Variants in RHOJ observed in about 807,000 individuals in gnomAD.
RHOJ encodes ras homolog family member J.
Under a neutral mutation model 23.4 loss-of-function variants are expected in RHOJ, and 11 were observed. The ratio of observed to expected loss-of-function variants is 0.47; its 90% CI spans 0.30 to 0.78. RHOJ has a LOEUF of 0.78. RHOJ is among the 30% of genes least tolerant of loss of function. The pLI is 0.08. For synonymous variants in RHOJ, 102 were observed against 102.7 expected, an observed-to-expected ratio of 0.99 and a Z score of 0.04; for missense variants, 254 against 273.4, an observed-to-expected ratio of 0.93 and a Z score of 0.50.
At chr14:63,261,796 A>C (rs1012985000) in intron 1 of RHOJ, among the ~76,000 whole-genome samples, 2 of 152,198 alleles carry the variant, frequency 1.3e-5, no homozygotes, top group African/African-American at 4.8e-5. Flanking sequence ...CTCTTTGAAC[A>C]AGATTTACCA....
chr14:63,205,195 G>A lies in RHOJ; in HGVS notation c.178+148G>A, dbSNP rs376039919. The A allele has an allele frequency of 3.5e-4, 266 of 768,246 alleles. 5 individuals are homozygous for A. Among genetic ancestry groups the A allele is most frequent in the East Asian group, 2.6e-3 (97 of 36,990 alleles). The allele number at this position is 768,246 out of a possible 1,614,324, so 47.6% of individuals were successfully genotyped here. On this transcript the variant is annotated intron_variant, in intron 1 of 4. Coordinates refer to ENST00000316754, the MANE Select transcript of RHOJ (RefSeq NM_020663.5). ...GAGCTTAGCGTAGCATACAACCCAG[G>A]ACTTGACTGTTGGTAGAACAATTTG...
At position 63,293,383 on chromosome 14, in the gene RHOJ, T is replaced by C. The variant is rs1882312001; in HGVS notation, c.*2359T>C. 6.6e-6 allele frequency among the ~76,000 whole-genome samples: 1 copy of C among 152,118 alleles called. No individual in the cohort carries two copies. The highest frequency in any genetic ancestry group is 1.5e-5 in the Non-Finnish European group (1 of 68,020). The stretch of plus-strand genomic sequence containing the variant: ...TAATGGGCCACAGGAAGTAAGTTGA[T>C]CTTGATGGGGAGATCACGTCACCCA... On this transcript the variant is annotated 3_prime_UTR_variant, in exon 5 of 5. Coordinates refer to ENST00000316754, the MANE Select transcript of RHOJ (RefSeq NM_020663.5).
chr14:63,283,281 A>G, intron 4 of RHOJ, 65 bp downstream of exon 4: 1 of 1,337,614 alleles, frequency 7.5e-7, no homozygotes, highest in Admixed American at 1.7e-5. Context: ...TATGCTTTGG[A>G]AATGGGTGTG....
chr14:63,240,110 G>T (rs753236501), intron 1 of RHOJ, among the ~76,000 whole-genome samples: 1 of 152,130 alleles, frequency 6.6e-6, no homozygotes, highest in Non-Finnish European at 1.5e-5. Context: ...TGAAAATAGG[G>T]CCTTTGAGAA....
At chr14:63,285,627 A>ATATTCAT (rs1191431017) in intron 4 of RHOJ, among the ~76,000 whole-genome samples, 1 of 152,150 alleles carries the variant, frequency 6.6e-6, no homozygotes, top group East Asian at 1.9e-4. Flanking sequence ...TTTATTATAA[A>ATATTCAT]TATTCATTAT....
intron 2 of RHOJ, among the ~76,000 whole-genome samples, chr14:63,276,320 G>A (rs1197310068): frequency 1.4e-4 from 22 of 152,126 alleles, no homozygotes; most frequent in Admixed American, 1.4e-3. Context: ...CACTGCATTA[G>A]CTAATCTTTA....
chr14:63,265,721 G>A (rs1254863115), intron 1 of RHOJ, among the ~76,000 whole-genome samples: 1 of 152,176 alleles, frequency 6.6e-6, no homozygotes, highest in African/African-American at 2.4e-5. Context: ...ATGCATTTTA[G>A]GGGGGGACAG....
At chr14:63,220,053 T>A (rs1013653287) in intron 1 of RHOJ, among the ~76,000 whole-genome samples, 1 of 152,180 alleles carries the variant, frequency 6.6e-6, no homozygotes, top group Non-Finnish European at 1.5e-5. Flanking sequence ...AATTCAGTTA[T>A]GAAAATTATG....
intron 1 of RHOJ, among the ~76,000 whole-genome samples, chr14:63,235,656 A>T (rs1894776053): frequency 6.6e-6 from 1 of 152,200 alleles, no homozygotes; most frequent in Admixed American, 6.5e-5. Context: ...AATTTTCAAA[A>T]CAAAAAATTG....
rs967652467 is a variant in RHOJ at position 63,284,420 on chromosome 14, C to T, written c.498+1204C>T. 2.2e-5 allele frequency: 19 copies of T among 882,118 alleles called. No homozygotes were observed. In the South Asian group the frequency reaches 7.8e-4, roughly 36 times the overall value. 54.6% of individuals were successfully genotyped at this position (882,118 alleles called of 1,614,324 possible). A position where few individuals can be genotyped will look rare whatever the true frequency, so the allele number is the denominator to read the frequency against. On this transcript the variant is annotated intron_variant, in intron 4 of 4. Transcript: ENST00000316754. ...TTAATAATATCTCTCACTTCAGCCT[C>T]ATAATAACCCTCTTAAGCAGATAGC...
intron 1 of RHOJ, among the ~76,000 whole-genome samples, chr14:63,249,719 T>C (rs1895035315): frequency 6.6e-6 from 1 of 152,212 alleles, no homozygotes; most frequent in South Asian, 2.1e-4. Flanking sequence ...ACCTCATCAA[T>C]CTAATGCTCT....
At chr14:63,268,980 T>A in intron 1 of RHOJ, 130 bp from the exon 2 acceptor site, 1 of 639,218 alleles carries the variant, frequency 1.6e-6, no homozygotes, top group South Asian at 1.9e-5. Flanking sequence ...TGGTTTAGAA[T>A]GTACATGAGC....
At chr14:63,221,262 C>T (rs1364370927) in intron 1 of RHOJ, among the ~76,000 whole-genome samples, 5 of 152,178 alleles carry the variant, frequency 3.3e-5, no homozygotes, top group East Asian at 3.9e-4. Flanking sequence ...CCCAGGAGAT[C>T]GAGGCTGCAA....
intron 1 of RHOJ, among the ~76,000 whole-genome samples, chr14:63,264,113 T>A (rs1895323276): frequency 6.6e-6 from 1 of 152,068 alleles, no homozygotes; most frequent in Non-Finnish European, 1.5e-5. Flanking sequence ...CTATGCTTAC[T>A]ACATACCCAG....
chr14:63,289,157 A>C (rs1237756366), intron 4 of RHOJ, among the ~76,000 whole-genome samples: 7 of 152,220 alleles, frequency 4.6e-5, no homozygotes, highest in Non-Finnish European at 2.9e-5. Flanking sequence ...TATATCCCAC[A>C]TCAGTGTCTT....
chr14:63,282,526 T>C (rs368934090), intron 3 of RHOJ, among the ~76,000 whole-genome samples: 22 of 152,202 alleles, frequency 1.4e-4, no homozygotes, highest in African/African-American at 5.1e-4. Context: ...TTCAAAGTTC[T>C]ACCTTTGAAA....
At position 63,204,961 on chromosome 14, in the gene RHOJ, C is replaced by G; in HGVS notation, c.92C>G (p.Ala31Gly). 1 of 1,614,154 alleles carries G rather than the reference C, an allele frequency of 6.2e-7. No individual in the cohort carries two copies. The highest frequency in any genetic ancestry group is 8.5e-7 in the Non-Finnish European group (1 of 1,180,028). The change falls in exon 1 of 5, where the codon GCC becomes GGC. Residue 31 changes from alanine to glycine, a missense_variant. Physicochemically the swap from Ala to Gly is moderately conservative, Grantham distance 60. Coordinates refer to ENST00000316754, the MANE Select transcript of RHOJ (RefSeq NM_020663.5). ...AAGTGTGTGGTGGTGGGGGACGGTG[C>G]CGTGGGGAAAACCTGCCTGCTGATG... Reference protein sequence around the residue: ...MLKCVVVGDGAVGKTCLLMSY... With the variant: ...MLKCVVVGDGGVGKTCLLMSY...
intron 2 of RHOJ, among the ~76,000 whole-genome samples, chr14:63,271,758 C>A (rs1018279111): frequency 1.3e-5 from 2 of 152,152 alleles, no homozygotes; most frequent in Admixed American, 1.3e-4. Flanking sequence ...CCACACCCAG[C>A]TAATTTTTGT....
At chr14:63,247,568 A>C (rs558580262) in intron 1 of RHOJ, among the ~76,000 whole-genome samples, 3 of 152,310 alleles carry the variant, frequency 2.0e-5, no homozygotes, top group African/African-American at 7.2e-5. Flanking sequence ...CTATTAACAA[A>C]TGCAAACTAT....
Sources: gnomAD v4.1 joint callset for allele counts (sites outside exome capture counted in the v4.1 genomes callset) on GRCh38, gnomAD v4.1.1 for gene constraint, MANE v1.5 for transcripts, NCBI Gene and HGNC (gene_info 2026-07-23, HGNC 2026-07-21) for gene names.